EIF2S1: variants seen among roughly 807,000 people sequenced by gnomAD.
EIF2S1 encodes the protein eukaryotic translation initiation factor 2 subunit 1.
In EIF2S1, 5 loss-of-function variants were observed where a neutral mutation model predicts 33.5. The ratio of observed to expected loss-of-function variants is 0.15; its 90% CI spans 0.08 to 0.31. The LOEUF is 0.31. Among genes scored for constraint, EIF2S1 ranks in the 10% least tolerant of loss-of-function variants. The pLI, the probability that EIF2S1 is intolerant of heterozygous loss-of-function variation, is 1.00. For synonymous variants in EIF2S1, 99 were observed against 127.5 expected, an observed-to-expected ratio of 0.78 and a Z score of 1.51; for missense variants, 191 against 384.6, an observed-to-expected ratio of 0.50 and a Z score of 4.21.
intron 3 of EIF2S1, among the ~76,000 whole-genome samples, chr14:67,375,646 G>T (rs552756160): frequency 8.5e-5 from 13 of 152,188 alleles, no homozygotes; most frequent in Admixed American, 8.5e-4. Context: ...TTGTTTTACT[G>T]ATGTATTTAC....
chr14:67,369,290 G>T (rs1444562087), intron 2 of EIF2S1, among the ~76,000 whole-genome samples: 1 of 152,218 alleles, frequency 6.6e-6, no homozygotes, highest in Non-Finnish European at 1.5e-5. Flanking sequence ...ATTTTGTAAT[G>T]ATAAAGGGTC....
chr14:67,374,152 T>G (rs1412512753), intron 2 of EIF2S1, among the ~76,000 whole-genome samples: 2 of 152,176 alleles, frequency 1.3e-5, no homozygotes, highest in African/African-American at 4.8e-5. Flanking sequence ...TCTGAAACTT[T>G]TGAGCACCAA....
At position 67,383,453 on chromosome 14, in the gene EIF2S1, CAG is replaced by C. The variant is rs1566618700; in HGVS notation, c.*16_*17del. On this transcript the variant is annotated 3_prime_UTR_variant, in exon 8 of 8. Coordinates refer to ENST00000256383, the MANE Select transcript of EIF2S1 (RefSeq NM_004094.5). ...AGCTGAAGATTAACTTTGTGGGAAACAGAGTCCAATTTAAGGAACACAGAGCA... is the reference window on the plus strand; with the variant it reads ...AGCTGAAGATTAACTTTGTGGGAAACAGTCCAATTTAAGGAACACAGAGCA... 4 of 1,612,026 alleles carry C rather than the reference CAG, an allele frequency of 2.5e-6. No homozygotes were observed. The South Asian group carries it at 3.3e-5, about 13-fold the overall frequency.
intron 2 of EIF2S1, among the ~76,000 whole-genome samples, chr14:67,367,338 C>T (rs1000102764): frequency 6.6e-6 from 1 of 152,204 alleles, no homozygotes; most frequent in Non-Finnish European, 1.5e-5. Flanking sequence ...TCAAGCAATT[C>T]TCCTGTCTCA....
At chr14:67,377,722 T>G (rs2141145409) in intron 4 of EIF2S1, among the ~76,000 whole-genome samples, 1 of 152,290 alleles carries the variant, frequency 6.6e-6, no homozygotes, top group African/African-American at 2.4e-5. Context: ...AGCATAAAAA[T>G]ATCTCTAGTT....
At chr14:67,379,498 T>C (rs2085874477) in intron 4 of EIF2S1, among the ~76,000 whole-genome samples, 1 of 152,182 alleles carries the variant, frequency 6.6e-6, no homozygotes, top group South Asian at 2.1e-4. Flanking sequence ...ACATTTATGT[T>C]GGTTGTCTTC....
intron 1 of EIF2S1, 144 bp from the exon 2 acceptor site, chr14:67,364,623 A>T: frequency 1.3e-6 from 1 of 777,506 alleles, no homozygotes; most frequent in Non-Finnish European, 2.0e-6. Flanking sequence ...GGTACCACTT[A>T]AGAAGTTTCA....
At chr14:67,368,649 T>C (rs1455077113) in intron 2 of EIF2S1, among the ~76,000 whole-genome samples, 2 of 146,144 alleles carry the variant, frequency 1.4e-5, no homozygotes, top group South Asian at 2.2e-4. Flanking sequence ...AATAGATCTA[T>C]ATGATTCTTA....
chr14:67,361,242 A>C (rs1045473808), intron 1 of EIF2S1, among the ~76,000 whole-genome samples: 3 of 152,232 alleles, frequency 2.0e-5, no homozygotes, highest in Non-Finnish European at 4.4e-5. Context: ...GGTTTCTTCG[A>C]GAAAAAGTAT....
At chr14:67,380,575 T>A in intron 4 of EIF2S1, 84 bp from the exon 5 acceptor site, 1 of 607,028 alleles carries the variant, frequency 1.6e-6, no homozygotes, top group Non-Finnish European at 2.7e-6. Flanking sequence ...TTAACTATTA[T>A]ATGCATTGTT....
At chr14:67,382,768 A>G (rs2085894777) in intron 7 of EIF2S1, 178 bp downstream of exon 7, 1 of 626,956 alleles carries the variant, frequency 1.6e-6, no homozygotes, top group African/African-American at 1.8e-5. Context: ...GGGAATAAAC[A>G]ATATAAATGA....
intron 2 of EIF2S1, among the ~76,000 whole-genome samples, chr14:67,370,176 G>C (rs1317394256): frequency 6.6e-6 from 1 of 152,338 alleles, no homozygotes; most frequent in South Asian, 2.1e-4. Flanking sequence ...TGCCCTGGGC[G>C]GGCCAGGTGT....
In EIF2S1 at chr14:67,385,893, T is replaced by C. The variant is rs1408916752; in HGVS notation, c.*2453T>C. On this transcript the variant is annotated 3_prime_UTR_variant, in exon 8 of 8. Transcript: ENST00000256383. ...TACATCATGCTAAGAAGAACAGTTATTACTCAGCTGCCATACTTCAGCCAT... is the reference window on the plus strand; with the variant it reads ...TACATCATGCTAAGAAGAACAGTTACTACTCAGCTGCCATACTTCAGCCAT... 1 of 152,208 alleles carries C rather than the reference T, an allele frequency of 6.6e-6. No homozygotes were observed. Among genetic ancestry groups the C allele is most frequent in the Non-Finnish European group, 1.5e-5 (1 of 68,046 alleles). The allele number at this position is 152,208 out of a possible 1,614,324, so 9.4% of individuals were successfully genotyped here. A position where few individuals can be genotyped will look rare whatever the true frequency, so the allele number is the denominator to read the frequency against.
chr14:67,383,002 C>G (rs1382013286), intron 7 of EIF2S1, among the ~76,000 whole-genome samples: 1 of 151,938 alleles, frequency 6.6e-6, no homozygotes. Flanking sequence ...GTTTTTTTAA[C>G]AGGATATCTA....
intron 1 of EIF2S1, 125 bp from the exon 2 acceptor site, chr14:67,364,642 G>A (rs2141127368): frequency 1.1e-6 from 1 of 950,358 alleles, no homozygotes; most frequent in East Asian, 2.8e-5. Context: ...CAAAGGATGA[G>A]AAGACTAAGA....
intron 2 of EIF2S1, among the ~76,000 whole-genome samples, chr14:67,365,592 T>C (rs1433110440): frequency 6.6e-6 from 1 of 152,256 alleles, no homozygotes; most frequent in Non-Finnish European, 1.5e-5. Flanking sequence ...ACTTATTGGA[T>C]GCCTTTTCTG....
intron 4 of EIF2S1, among the ~76,000 whole-genome samples, chr14:67,378,137 A>C (rs960005941): frequency 1.3e-5 from 2 of 151,486 alleles, no homozygotes; most frequent in Non-Finnish European, 2.9e-5. Context: ...AAAAAAAAAA[A>C]AAGCCAGACT....
intron 5 of EIF2S1, among the ~76,000 whole-genome samples, chr14:67,381,014 TTTGA>T (rs989939276): frequency 2.6e-5 from 4 of 151,816 alleles, no homozygotes; most frequent in Admixed American, 1.3e-4. Flanking sequence ...AAAAGAGGGG[TTTGA>T]TTGTTTTGTT....
chr14:67,376,172 T>G (rs1006129776), intron 3 of EIF2S1, among the ~76,000 whole-genome samples: 1 of 151,790 alleles, frequency 6.6e-6, no homozygotes, highest in Non-Finnish European at 1.5e-5. Flanking sequence ...CACTCTGTAG[T>G]AAGGAGAGAT....
Sources: allele counts gnomAD v4.1 joint callset (sites outside exome capture counted in the v4.1 genomes callset), GRCh38; gene constraint gnomAD v4.1.1; transcripts MANE v1.5; gene names NCBI Gene and HGNC (gene_info 2026-07-23, HGNC 2026-07-21).